The following EAF1 variants were observed in gnomAD, a reference collection of about 807,000 sequenced individuals.
The protein encoded by EAF1 is ELL-associated factor 1.
EAF1 carries 19 observed loss-of-function variants against 26.6 expected under a neutral mutation model. The ratio of observed to expected loss-of-function variants is 0.71; its 90% CI spans 0.50 to 1.05. The LOEUF is 1.05. EAF1 is among the 50% of genes least tolerant of loss of function. The pLI, the probability that EAF1 is intolerant of heterozygous loss-of-function variation, is 0.00. For synonymous variants in EAF1, 102 were observed against 120.6 expected, an observed-to-expected ratio of 0.85 and a Z score of 1.01; for missense variants, 260 against 335.5, an observed-to-expected ratio of 0.78 and a Z score of 1.76.
rs1482985042 is a variant in EAF1, at chr3:15,427,793, CA to C, written c.17del (p.Asn6ThrfsTer11). 6.4e-7 allele frequency: 1 copy of C among 1,551,370 alleles called. No individual in the cohort carries two copies. The highest frequency in any genetic ancestry group is 2.4e-5 in the East Asian group (1 of 40,886). On this transcript the variant is annotated frameshift_variant, in exon 1 of 6. Coordinates refer to ENST00000396842, the MANE Select transcript of EAF1 (RefSeq NM_033083.7). LOFTEE classifies it high-confidence loss of function. Reference sequence around the variant, plus strand: ...AGGTGCGGGGCCATGAATGGGACCGCAAACCCGCTGCTGGACCGCGAGGAAC... The same window carrying C: ...AGGTGCGGGGCCATGAATGGGACCGCAACCCGCTGCTGGACCGCGAGGAAC... MNGT[A>X]NPLLDREEHC...
rs2125069194 is a variant in EAF1 at position 15,439,491 on chromosome 3, A to G, written c.*336A>G. 1 of 209,698 alleles carries G rather than the reference A, an allele frequency of 4.8e-6. No homozygotes were observed. Among genetic ancestry groups the G allele is most frequent in the South Asian group, 1.3e-4 (1 of 7,550 alleles). 13.0% of individuals were successfully genotyped at this position (209,698 alleles called of 1,614,324 possible). A position where few individuals can be genotyped will look rare whatever the true frequency, so the allele number is the denominator to read the frequency against. On this transcript the variant is annotated 3_prime_UTR_variant, in exon 6 of 6. Coordinates refer to ENST00000396842, the MANE Select transcript of EAF1 (RefSeq NM_033083.7). ...AGGCCATATCTTCACCAGGCCAGAG[A>G]TTCAGTTTTAAACCTCAGCAGCCAT...
Position 15,427,656 on chromosome 3 carries a change from C to T in EAF1, c.-124C>T, listed in dbSNP as rs972324246. ...TTCTGGACCCGGGTGGGTGCCGGCT[C>T]GGCTCTCCTTGTCTTCCAGAGCGGT... On this transcript the variant is annotated 5_prime_UTR_variant, in exon 1 of 6. Coordinates refer to ENST00000396842, the MANE Select transcript of EAF1 (RefSeq NM_033083.7). 15 of 1,022,978 alleles carry T rather than the reference C, an allele frequency of 1.5e-5. No homozygotes were observed. In the Admixed American group the frequency reaches 1.8e-4, roughly 12 times the overall value. 63.4% of individuals were successfully genotyped at this position (1,022,978 alleles called of 1,614,324 possible).
chr3:15,427,646 G>C lies in EAF1; in HGVS notation c.-134G>C. 1.1e-6 allele frequency: 1 copy of C among 886,758 alleles called. No homozygotes were observed. Among genetic ancestry groups the C allele is most frequent in the Non-Finnish European group, 1.8e-6 (1 of 566,116 alleles). 54.9% of individuals were successfully genotyped at this position (886,758 alleles called of 1,614,324 possible). On this transcript the variant is annotated 5_prime_UTR_variant, in exon 1 of 6. Coordinates refer to ENST00000396842, the MANE Select transcript of EAF1 (RefSeq NM_033083.7). ...GAGAACTTGCTTCTGGACCCGGGTG[G>C]GTGCCGGCTCGGCTCTCCTTGTCTT... is the stretch of plus-strand genomic sequence containing the variant.
chr3:15,433,805 C>T (rs980164395), intron 3 of EAF1, among the ~76,000 whole-genome samples: 3 of 152,166 alleles, frequency 2.0e-5, no homozygotes, highest in Non-Finnish European at 4.4e-5. Flanking sequence ...CCTTAAGATT[C>T]TAATGGAGCA....
At chr3:15,432,490 G>A (rs1293431061) in intron 3 of EAF1, among the ~76,000 whole-genome samples, 1 of 152,126 alleles carries the variant, frequency 6.6e-6, no homozygotes, top group African/African-American at 2.4e-5. Flanking sequence ...AGCCTATTTT[G>A]TTAATCTCAT....
intron 3 of EAF1, among the ~76,000 whole-genome samples, chr3:15,432,517 C>T (rs1429928940): frequency 1.3e-5 from 2 of 152,088 alleles, no homozygotes; most frequent in African/African-American, 2.4e-5. Flanking sequence ...TACAGTACCA[C>T]CTAAGGGATA....
chr3:15,437,859 T>C (rs566756567), intron 5 of EAF1, among the ~76,000 whole-genome samples: 6 of 152,012 alleles, frequency 3.9e-5, no homozygotes, highest in Admixed American at 1.3e-4. Context: ...TAAGTCTTCT[T>C]TGTGGGAGGT....
intron 2 of EAF1, among the ~76,000 whole-genome samples, chr3:15,431,721 C>G (rs1327633223): frequency 1.3e-5 from 2 of 152,108 alleles, no homozygotes. Flanking sequence ...AAGGGGAAAC[C>G]CTGGTCTCTC....
At chr3:15,429,409 C>T (rs2061787485) in intron 1 of EAF1, among the ~76,000 whole-genome samples, 1 of 151,922 alleles carries the variant, frequency 6.6e-6, no homozygotes, top group Non-Finnish European at 1.5e-5. Context: ...AGTTTCTATG[C>T]GGAATGAAAT....
chr3:15,430,696 G>A (rs545022928), intron 2 of EAF1, among the ~76,000 whole-genome samples: 59 of 152,230 alleles, frequency 3.9e-4, no homozygotes, highest in African/African-American at 1.1e-3. Context: ...CACAGGTGTG[G>A]CACATTCAGC....
At position 15,432,177 on chromosome 3, in the gene EAF1, T is replaced by A; in HGVS notation, c.289T>A (p.Tyr97Asn). Residue 97 changes from tyrosine (Y) to asparagine (N), a missense_variant, in exon 3 of 6, where the codon TAT becomes AAT. By Grantham distance (143) the Tyr-to-Asn change is moderately radical. Coordinates refer to ENST00000396842, the MANE Select transcript of EAF1 (RefSeq NM_033083.7). Reference sequence around the variant, plus strand: ...TATTATTAATCATGACACTGGTGAATATGTGCTGGAAAAACTCAGTAGCAG... The same window carrying A: ...TATTATTAATCATGACACTGGTGAAAATGTGCTGGAAAAACTCAGTAGCAG... ...VLIINHDTGE[Y>N]VLEKLSSSIQ... 1.2e-6 allele frequency: 2 copies of A among 1,614,172 alleles called. No individual in the cohort carries two copies.
Position 15,434,502 on chromosome 3 carries a change from C to G in EAF1, c.490C>G (p.Pro164Ala). Residue 164 changes from proline (P) to alanine (A), a missense_variant, in exon 4 of 6, where the codon CCC becomes GCC. Coordinates refer to ENST00000396842, the MANE Select transcript of EAF1 (RefSeq NM_033083.7). ...GPKTSPLKDN[P>A]SPEPQLDDIK... ...CAAAACTTCTCCCTTGAAAGATAAC[C>G]CCTCACCTGAACCTCAGTTGGATGA... is the stretch of plus-strand genomic sequence containing the variant. 1.2e-6 allele frequency: 2 copies of G among 1,614,164 alleles called. No individual in the cohort carries two copies. The highest frequency in any genetic ancestry group is 2.2e-5 in the East Asian group (1 of 44,892).
chr3:15,436,829 C>G (rs2061838928), intron 5 of EAF1, among the ~76,000 whole-genome samples: 1 of 152,160 alleles, frequency 6.6e-6, no homozygotes, highest in Admixed American at 6.5e-5. Context: ...AAAACATGAA[C>G]AGATAGGCTG....
intron 3 of EAF1, among the ~76,000 whole-genome samples, chr3:15,434,071 T>C (rs1346917311): frequency 6.6e-6 from 1 of 152,234 alleles, no homozygotes; most frequent in African/African-American, 2.4e-5. Context: ...ATAGTTTCAT[T>C]ATATCCTACA....
intron 3 of EAF1, among the ~76,000 whole-genome samples, 160 bp from the exon 4 acceptor site, chr3:15,434,188 G>A (rs1251481207): frequency 6.6e-6 from 1 of 152,156 alleles, no homozygotes; most frequent in African/African-American, 2.4e-5. Flanking sequence ...CTCAAATGTT[G>A]AATGAATAGC....
At position 15,442,224 on chromosome 3, in the gene EAF1, T is replaced by A. The variant is rs1275794233; in HGVS notation, c.*3069T>A. On this transcript the variant is annotated 3_prime_UTR_variant, in exon 6 of 6. Coordinates refer to ENST00000396842, the MANE Select transcript of EAF1 (RefSeq NM_033083.7). ...GTTCAGCAGGGTGTGTGTGTGTGTG[T>A]GTGTGTGTGTGTATGAATGGTATAT... 1 of 152,372 alleles carries A rather than the reference T, an allele frequency of 6.6e-6. No homozygotes were observed. Among genetic ancestry groups the A allele is most frequent in the Non-Finnish European group, 1.5e-5 (1 of 68,010 alleles). The allele number at this position is 152,372 out of a possible 1,614,324, so 9.4% of individuals were successfully genotyped here. A position where few individuals can be genotyped will look rare whatever the true frequency, so the allele number is the denominator to read the frequency against.
rs2061852654 is a variant in EAF1 at position 15,439,214 on chromosome 3, TTTG to T, written c.*60_*62del. On this transcript the variant is annotated 3_prime_UTR_variant, in exon 6 of 6. Coordinates refer to ENST00000396842, the MANE Select transcript of EAF1 (RefSeq NM_033083.7). The stretch of plus-strand genomic sequence containing the variant: ...CAAACATGCCGCAAGACTGAGCTAC[TTTG>T]GCGTGGAGTCCATTGCAAGAGGAAA... 3.2e-6 allele frequency: 5 copies of T among 1,569,842 alleles called. No homozygotes were observed. Among genetic ancestry groups the T allele is most frequent in the Non-Finnish European group, 4.4e-6 (5 of 1,147,606 alleles).
chr3:15,438,861 T>G (rs1467807634), intron 5 of EAF1: 1 of 393,708 alleles, frequency 2.5e-6, no homozygotes, highest in East Asian at 4.4e-5. Context: ...ATTAAACCAT[T>G]TAAAAGTTAT....
In EAF1 at chr3:15,440,748, T is replaced by A. The variant is rs950194129; in HGVS notation, c.*1593T>A. 2 of 152,706 alleles carry A rather than the reference T, an allele frequency of 1.3e-5. No homozygotes were observed. The highest frequency in any genetic ancestry group is 6.5e-5 in the Admixed American group (1 of 15,286). 9.5% of individuals were successfully genotyped at this position (152,706 alleles called of 1,614,324 possible). On this transcript the variant is annotated 3_prime_UTR_variant, in exon 6 of 6. Coordinates refer to ENST00000396842, the MANE Select transcript of EAF1 (RefSeq NM_033083.7). ...GTAATAGGTCTACGCTAGGACCCCG[T>A]GCTGGGCTCTCAGCCCATCATGAGA...
Sources: gnomAD v4.1 joint callset for allele counts (sites outside exome capture counted in the v4.1 genomes callset) on GRCh38, gnomAD v4.1.1 for gene constraint, MANE v1.5 for transcripts, NCBI Gene and HGNC (gene_info 2026-07-23, HGNC 2026-07-21) for gene names.